Variants in VEPH1 observed in about 807,000 individuals in gnomAD.
VEPH1 encodes the protein ventricular zone-expressed PH domain-containing protein homolog 1.
Under a neutral mutation model 85.2 loss-of-function variants are expected in VEPH1, and 80 were observed. The observed-to-expected ratio is 0.94, with a 90% CI of 0.78 to 1.13. The LOEUF (loss-of-function observed/expected upper bound fraction) is 1.13. Ranked by LOEUF, VEPH1 falls within the 50% of genes most tolerant of loss-of-function variation. The pLI, the probability that VEPH1 is intolerant of heterozygous loss-of-function variation, is 0.00. For missense variants in VEPH1, 955 were observed against 980.5 expected (o/e 0.97, Z 0.35); for synonymous variants, 297 against 348.0 (o/e 0.85, Z 1.63).
chr3:157,474,007 C>T (rs1365125917), intron 2 of VEPH1, among the ~76,000 whole-genome samples: 1 of 151,990 alleles, frequency 6.6e-6, no homozygotes, highest in African/African-American at 2.4e-5. Context: ...TTTTAAGGTG[C>T]TGCTAAATTC....
At chr3:157,338,759 T>G (rs952818192) in intron 9 of VEPH1, among the ~76,000 whole-genome samples, 8 of 152,208 alleles carry the variant, frequency 5.3e-5, no homozygotes, top group African/African-American at 1.7e-4. Flanking sequence ...CATGCAATAT[T>G]AAAGTCCACA....
chr3:157,454,765 C>A (rs1735230997), intron 4 of VEPH1, among the ~76,000 whole-genome samples: 2 of 152,078 alleles, frequency 1.3e-5, no homozygotes, highest in South Asian at 4.2e-4. Context: ...TCTTCCTACC[C>A]CTCTTTCAGT....
chr3:157,360,657 C>T (rs1478416444), intron 9 of VEPH1, among the ~76,000 whole-genome samples: 1 of 152,008 alleles, frequency 6.6e-6, no homozygotes, highest in East Asian at 1.9e-4. Flanking sequence ...TAAATGTGCT[C>T]AGAATACATA....
At chr3:157,312,922 T>TTAA (rs1720274274) in intron 11 of VEPH1, among the ~76,000 whole-genome samples, 2 of 129,208 alleles carry the variant, frequency 1.5e-5, no homozygotes, top group Non-Finnish European at 3.3e-5. Flanking sequence ...TTTTTTTTTT[T>TTAA]GAGATGGAGT....
chr3:157,485,300 A>G (rs1738516987), intron 2 of VEPH1, among the ~76,000 whole-genome samples: 1 of 152,192 alleles, frequency 6.6e-6, no homozygotes, highest in Admixed American at 6.5e-5. Context: ...TATGAAGAAC[A>G]ATATGACAAG....
chr3:157,440,371 A>G (rs780042679), intron 4 of VEPH1, among the ~76,000 whole-genome samples: 6 of 152,182 alleles, frequency 3.9e-5, no homozygotes, highest in African/African-American at 7.2e-5. Flanking sequence ...TAATGTTTTC[A>G]GGATAGAGCC....
chr3:157,388,348 G>A (rs1011164628), intron 6 of VEPH1, among the ~76,000 whole-genome samples: 1 of 152,126 alleles, frequency 6.6e-6, no homozygotes, highest in Non-Finnish European at 1.5e-5. Flanking sequence ...GAGTTGAAGG[G>A]TTTGTACTAG....
At chr3:157,280,738 T>C (rs148152838) in intron 12 of VEPH1, among the ~76,000 whole-genome samples, 387 of 152,362 alleles carry the variant, frequency 2.5e-3, no homozygotes, top group Middle Eastern at 6.8e-3. Flanking sequence ...TAGTTGTTTT[T>C]AATTTTGAGA....
intron 9 of VEPH1, among the ~76,000 whole-genome samples, chr3:157,357,340 T>C (rs1002645428): frequency 7.9e-5 from 12 of 152,218 alleles, no homozygotes; most frequent in African/African-American, 2.4e-4. Flanking sequence ...TGGATCTCCA[T>C]ACAAAATGTC....
At position 157,260,688 on chromosome 3, in the gene VEPH1, A is replaced by C. The variant is rs1712757789; in HGVS notation, c.*446T>G. On this transcript the variant is annotated 3_prime_UTR_variant, in exon 14 of 14. Transcript: ENST00000362010. ...GTGTACATTAGTTCAACGTTTCTAA[A>C]GGTTTTTTTTTTTAAAGTTTTCTTT... 6.6e-6 allele frequency: 1 copy of C among 152,620 alleles called. No homozygotes were observed. Among genetic ancestry groups the C allele is most frequent in the South Asian group, 2.0e-4 (1 of 4,994 alleles). The allele number at this position is 152,620 out of a possible 1,614,324, so 9.5% of individuals were successfully genotyped here.
chr3:157,433,062 TG>T (rs1733289447), intron 4 of VEPH1, among the ~76,000 whole-genome samples: 1 of 152,210 alleles, frequency 6.6e-6, no homozygotes, highest in South Asian at 2.1e-4. Flanking sequence ...AATAGATTTT[TG>T]TATGTTGATC....
At chr3:157,336,366 C>T (rs528127748) in intron 9 of VEPH1, among the ~76,000 whole-genome samples, 4 of 152,260 alleles carry the variant, frequency 2.6e-5, no homozygotes, top group African/African-American at 9.6e-5. Flanking sequence ...ACTGAGGAAC[C>T]ATTTGCTGCC....
Position 157,495,384 on chromosome 3 carries a change from G to A in VEPH1, c.-35C>T. 1 of 1,609,378 alleles carries A rather than the reference G, an allele frequency of 6.2e-7. No homozygotes were observed. Among genetic ancestry groups the A allele is most frequent in the South Asian group, 1.1e-5 (1 of 90,128 alleles). Reference sequence around the variant, plus strand: ...GAGTTTGATCAGTTGACTTTCTACAGACCCAGAGTCATGTGTTCCAGTTAT... The same window carrying A: ...GAGTTTGATCAGTTGACTTTCTACAAACCCAGAGTCATGTGTTCCAGTTAT... On this transcript the variant is annotated 5_prime_UTR_variant, in exon 2 of 14. Transcript: ENST00000362010.
At chr3:157,442,742 T>G (rs1734230251) in intron 4 of VEPH1, 1 of 1,614,226 alleles carries the variant, frequency 6.2e-7, no homozygotes, top group Non-Finnish European at 8.5e-7. Flanking sequence ...ACATTGTTCC[T>G]GAGGGAGGAA....
chr3:157,416,823 GAAAGAAAGAAAT>G (rs1477475249), intron 5 of VEPH1, among the ~76,000 whole-genome samples: 1 of 150,334 alleles, frequency 6.7e-6, no homozygotes, highest in Non-Finnish European at 1.5e-5. Context: ...AGAGAAAAAG[GAAAGAAAGAAAT>G]AAAGAAAGAA....
intron 6 of VEPH1, chr3:157,381,772 A>G (rs1422810230): frequency 5.3e-6 from 1 of 188,038 alleles, no homozygotes; most frequent in East Asian, 1.4e-4. Context: ...CATGAGCAGC[A>G]GATGATAATT....
At chr3:157,283,987 A>G (rs1716459030) in intron 12 of VEPH1, among the ~76,000 whole-genome samples, 1 of 152,218 alleles carries the variant, frequency 6.6e-6, no homozygotes, top group Middle Eastern at 3.2e-3. Flanking sequence ...TCAGTTGGGC[A>G]TAGTACATTC....
chr3:157,400,461 A>G (rs1056262155), intron 6 of VEPH1, among the ~76,000 whole-genome samples: 21 of 152,286 alleles, frequency 1.4e-4, no homozygotes, highest in South Asian at 1.0e-3. Context: ...AGATGTTTGA[A>G]TGAAATTGAC....
intron 12 of VEPH1, among the ~76,000 whole-genome samples, chr3:157,281,075 T>C (rs1445922549): frequency 6.7e-6 from 1 of 148,600 alleles, no homozygotes; most frequent in South Asian, 2.2e-4. Context: ...TAGGTGTGTG[T>C]GCATATGTGT....
Sources: allele counts gnomAD v4.1 joint callset (sites outside exome capture counted in the v4.1 genomes callset), GRCh38; gene constraint gnomAD v4.1.1; transcripts MANE v1.5; gene names NCBI Gene and HGNC (gene_info 2026-07-23, HGNC 2026-07-21).